CALR3: variants seen among roughly 807,000 people sequenced by gnomAD.
CALR3 encodes calreticulin 3.
CALR3 carries 39 observed loss-of-function variants against 48.7 expected under a neutral mutation model. That is an observed-to-expected ratio of 0.80 (90% CI 0.62 to 1.05). The LOEUF (loss-of-function observed/expected upper bound fraction) is 1.05. Ranked by LOEUF, CALR3 falls within the 50% of genes least tolerant of loss-of-function variation. CALR3 has a pLI of 0.00. For missense variants in CALR3, 449 were observed against 474.7 expected, an observed-to-expected ratio of 0.95 and a Z score of 0.50; for synonymous variants, 185 against 172.7, an observed-to-expected ratio of 1.07 and a Z score of -0.56.
At chr19:16,485,593 C>A (rs1275342720) in intron 3 of CALR3, among the ~76,000 whole-genome samples, 1 of 151,566 alleles carries the variant, frequency 6.6e-6, no homozygotes, top group African/African-American at 2.4e-5. Context: ...CCTAGGATTA[C>A]AGGCTTGAAA....
chr19:16,483,676 C>G, intron 5 of CALR3: 1 of 436,388 alleles, frequency 2.3e-6, no homozygotes, highest in Non-Finnish European at 4.2e-6. Flanking sequence ...TGAGATCACG[C>G]CACTGCACTC....
chr19:16,483,728 ATAAATAAG>A lies in CALR3; in HGVS notation c.678+194_678+201del. On this transcript the variant is annotated intron_variant, in intron 5 of 8. Transcript: ENST00000269881. ...AACGAAACTCTGTCTCAAAAAATAA[ATAAATAAG>A]TAAATAAATAAATGTTTTACGATAC... The A allele has an allele frequency of 8.5e-6, 5 of 586,458 alleles. No homozygotes were observed. The South Asian group carries it at 1.1e-4, about 13-fold the overall frequency. The allele number at this position is 586,458 out of a possible 1,614,324, so 36.3% of individuals were successfully genotyped here. A position where few individuals can be genotyped will look rare whatever the true frequency, so the allele number is the denominator to read the frequency against.
In CALR3 at chr19:16,496,026, G is replaced by A. The variant is rs1225128032; in HGVS notation, c.91+13C>T. 10 of 1,584,270 alleles carry A rather than the reference G, an allele frequency of 6.3e-6. No individual in the cohort carries two copies. The highest frequency in any genetic ancestry group is 8.6e-6 in the Non-Finnish European group (10 of 1,164,500). Reference sequence around the variant, plus strand: ...AGCTTACACCTCCGCCACCACGGGCGTGGCCCCTTCACCTCCGTCTAGAAA... The same window carrying A: ...AGCTTACACCTCCGCCACCACGGGCATGGCCCCTTCACCTCCGTCTAGAAA... On this transcript the variant is annotated intron_variant, in intron 1 of 8. Transcript: ENST00000269881.
intron 4 of CALR3, 134 bp downstream of exon 4, chr19:16,485,029 G>GGCCCC: frequency 2.9e-6 from 2 of 684,934 alleles, no homozygotes; most frequent in South Asian, 3.2e-5. Flanking sequence ...CCCTAAACTG[G>GGCCCC]AAACTGGAAA....
chr19:16,486,095 G>C (rs1013639938), intron 3 of CALR3, among the ~76,000 whole-genome samples: 1 of 152,008 alleles, frequency 6.6e-6, no homozygotes, highest in African/African-American at 2.4e-5. Context: ...AAGGTGGGGA[G>C]ATGACTTGAG....
At chr19:16,483,236 G>A (rs1403899658) in intron 5 of CALR3, among the ~76,000 whole-genome samples, 2 of 152,130 alleles carry the variant, frequency 1.3e-5, no homozygotes, top group African/African-American at 4.8e-5. Context: ...CCCTTCTTCA[G>A]TTTGGTGGTC....
intron 2 of CALR3, among the ~76,000 whole-genome samples, chr19:16,495,431 C>G (rs759015849): frequency 6.6e-6 from 1 of 150,988 alleles, no homozygotes; most frequent in South Asian, 2.1e-4. Context: ...TGGTGGCGCG[C>G]GCCTGTAGTC....
At chr19:16,487,768 G>T (rs2093391458) in intron 3 of CALR3, among the ~76,000 whole-genome samples, 1 of 151,326 alleles carries the variant, frequency 6.6e-6, no homozygotes, top group Admixed American at 6.6e-5. Flanking sequence ...CTCCTGAGTA[G>T]CTGGGATTAT....
intron 3 of CALR3, among the ~76,000 whole-genome samples, chr19:16,489,679 C>A (rs547718425): frequency 6.6e-6 from 1 of 150,982 alleles, no homozygotes; most frequent in Admixed American, 6.6e-5. Context: ...TATGGTGGCA[C>A]ATGCCTGTAA....
intron 1 of CALR3, 74 bp from the exon 2 acceptor site, chr19:16,495,926 C>A: frequency 1.3e-6 from 2 of 1,573,070 alleles, no homozygotes; most frequent in South Asian, 1.1e-5. Flanking sequence ...GTGAAGGGGA[C>A]CCTCGAGGAT....
At chr19:16,479,605 A>T (rs1200073527) in intron 8 of CALR3, among the ~76,000 whole-genome samples, 1 of 150,932 alleles carries the variant, frequency 6.6e-6, no homozygotes, top group Non-Finnish European at 1.5e-5. Context: ...AAAAAAAAGC[A>T]AAAATTAGCT....
chr19:16,484,994 A>G (rs189206336), intron 4 of CALR3, among the ~76,000 whole-genome samples, 169 bp downstream of exon 4: 2 of 152,288 alleles, frequency 1.3e-5, no homozygotes, highest in Admixed American at 6.5e-5. Context: ...AACCAGTTAA[A>G]GGAGAGAAGT....
At chr19:16,484,230 C>A in intron 4 of CALR3, 115 bp from the exon 5 acceptor site, 5 of 970,856 alleles carry the variant, frequency 5.2e-6, no homozygotes, top group Non-Finnish European at 7.5e-6. Flanking sequence ...CAGGTTGGAG[C>A]GCTGTGGCAC....
chr19:16,479,872 C>T (rs1288178938), intron 8 of CALR3, among the ~76,000 whole-genome samples: 1 of 152,116 alleles, frequency 6.6e-6, no homozygotes. Flanking sequence ...GAAGCCTCCT[C>T]ACCACCTAGG....
intron 3 of CALR3, among the ~76,000 whole-genome samples, chr19:16,487,481 C>CAAAAAA (rs59647657): frequency 9.7e-6 from 1 of 102,708 alleles, no homozygotes; most frequent in Non-Finnish European, 1.8e-5. Flanking sequence ...TGTGTCTCCA[C>CAAAAAA]AAAAAAAAAA....
At chr19:16,483,384 A>C (rs2122129997) in intron 5 of CALR3, among the ~76,000 whole-genome samples, 1 of 152,204 alleles carries the variant, frequency 6.6e-6, no homozygotes. Context: ...CGGTGTGGAA[A>C]CCTCAAGTAG....
intron 4 of CALR3, among the ~76,000 whole-genome samples, chr19:16,484,517 T>C (rs1472983578): frequency 1.3e-5 from 2 of 151,782 alleles, no homozygotes; most frequent in African/African-American, 4.8e-5. Flanking sequence ...ATGCAGTTTA[T>C]TTTTATTTTT....
intron 8 of CALR3, 135 bp from the exon 9 acceptor site, chr19:16,479,409 C>T (rs1040707184): frequency 1.1e-6 from 1 of 935,170 alleles, no homozygotes; most frequent in Non-Finnish European, 1.6e-6. Context: ...CACGGTGAAA[C>T]ACAGTCTCTA....
chr19:16,480,845 G>A lies in CALR3; in HGVS notation c.919-139C>T, dbSNP rs1159666746. ...TTTAGAGATGGGGTCTTGCTATGTT[G>A]CCTAGGCTGGATTTGAACTTCTGGG... On this transcript the variant is annotated intron_variant, in intron 7 of 8. Coordinates refer to ENST00000269881, the MANE Select transcript of CALR3 (RefSeq NM_145046.5). 12 of 708,986 alleles carry A rather than the reference G, an allele frequency of 1.7e-5. No individual in the cohort carries two copies. In the East Asian group the frequency reaches 3.4e-4, roughly 20 times the overall value. The allele number at this position is 708,986 out of a possible 1,614,324, so 43.9% of individuals were successfully genotyped here. A position where few individuals can be genotyped will look rare whatever the true frequency, so the allele number is the denominator to read the frequency against.
Sources: allele counts gnomAD v4.1 joint callset (sites outside exome capture counted in the v4.1 genomes callset), GRCh38; gene constraint gnomAD v4.1.1; transcripts MANE v1.5; gene names NCBI Gene and HGNC (gene_info 2026-07-23, HGNC 2026-07-21).